BLTP1: variants seen among roughly 807,000 people sequenced by gnomAD.
BLTP1 encodes the protein bridge-like lipid transfer protein family member 1.
the BLTP1 span, chr4:122,200,292 A>G: frequency 2.0e-6 from 2 of 984,814 alleles, no homozygotes; most frequent in African/African-American, 3.5e-5. Flanking sequence ...GAAATGCCAA[A>G]CTGCGCAGGA....
At chr4:122,239,683 C>T in the BLTP1 span, 2 of 1,614,042 alleles carry the variant, frequency 1.2e-6, no homozygotes, top group Non-Finnish European at 1.7e-6. Context: ...GACAAGCAGC[C>T]TGTAACAGTT....
At chr4:122,259,950 A>T in the BLTP1 span, 1 of 881,244 alleles carries the variant, frequency 1.1e-6, no homozygotes, top group Admixed American at 6.2e-5. Context: ...GACAATATTA[A>T]ATAAAAATTT....
chr4:122,193,283 A>G, the BLTP1 span, among the ~76,000 whole-genome samples: 2 of 152,164 alleles, frequency 1.3e-5, no homozygotes, highest in African/African-American at 2.4e-5. Flanking sequence ...TATTCCTAGT[A>G]TATAGTATAT....
At chr4:122,341,456 A>G in the BLTP1 span, among the ~76,000 whole-genome samples, 4 of 152,150 alleles carry the variant, frequency 2.6e-5, no homozygotes, top group Non-Finnish European at 4.4e-5. Flanking sequence ...CTCTTTTGGA[A>G]TGTTAATCTT....
At chr4:122,243,305 G>A in the BLTP1 span, 1 of 653,324 alleles carries the variant, frequency 1.5e-6, no homozygotes, top group Non-Finnish European at 1.9e-6. Flanking sequence ...TAAGACTTCA[G>A]TATCATATTT....
the BLTP1 span, chr4:122,201,219 G>GAATC: frequency 1.1e-6 from 1 of 919,706 alleles, no homozygotes; most frequent in Non-Finnish European, 1.6e-6. Flanking sequence ...ATAGGGATAT[G>GAATC]ATATGATTCA....
At chr4:122,273,256 C>T in the BLTP1 span, 3 of 971,668 alleles carry the variant, frequency 3.1e-6, no homozygotes, top group Non-Finnish European at 3.7e-6. Flanking sequence ...GTTATATACC[C>T]TTCTTTACCT....
the BLTP1 span, among the ~76,000 whole-genome samples, chr4:122,327,111 G>GTTTTC: frequency 6.6e-6 from 1 of 151,286 alleles, no homozygotes; most frequent in Non-Finnish European, 1.5e-5. Context: ...GTTTTGTTTT[G>GTTTTC]TTTTGTTTTG....
At chr4:122,187,592 T>C in the BLTP1 span, 1 of 1,386,318 alleles carries the variant, frequency 7.2e-7, no homozygotes, top group South Asian at 1.4e-5. Flanking sequence ...GATTTTAATG[T>C]AAGAAAATTA....
At chr4:122,316,672 A>G in the BLTP1 span, 2 of 1,566,450 alleles carry the variant, frequency 1.3e-6, no homozygotes, top group Non-Finnish European at 1.7e-6. Context: ...ATTTTGTGAT[A>G]GTATAGATTT....
At chr4:122,204,599 T>G in the BLTP1 span, 1 of 983,796 alleles carries the variant, frequency 1.0e-6, no homozygotes, top group African/African-American at 1.7e-5. Flanking sequence ...AGATGGTTAG[T>G]TTTTCCTTAG....
the BLTP1 span, chr4:122,226,390 G>T: frequency 9.7e-7 from 1 of 1,029,760 alleles, no homozygotes; most frequent in Non-Finnish European, 1.2e-6. Flanking sequence ...ATTTCAGTTA[G>T]CTATATAAGA....
chr4:122,158,560 G>A, the BLTP1 span, among the ~76,000 whole-genome samples: 1 of 152,128 alleles, frequency 6.6e-6, no homozygotes, highest in African/African-American at 2.4e-5. Context: ...AAGGTCAGGA[G>A]ATTGAGACCA....
At chr4:122,167,533 T>C in the BLTP1 span, 103 of 287,628 alleles carry the variant, frequency 3.6e-4, 1 homozygote, top group Non-Finnish European at 4.8e-4. Flanking sequence ...CTCTGAAACC[T>C]TAATCTGGTT....
At chr4:122,165,753 A>G in the BLTP1 span, among the ~76,000 whole-genome samples, 1 of 132,904 alleles carries the variant, frequency 7.5e-6, no homozygotes, top group East Asian at 2.8e-4. Context: ...TGACTTTTTA[A>G]TGATTGCCAT....
the BLTP1 span, chr4:122,199,299 A>G: frequency 6.3e-7 from 1 of 1,590,710 alleles, no homozygotes; most frequent in Admixed American, 1.7e-5. Flanking sequence ...GTTCTAGTCC[A>G]AAGATGTTTC....
At chr4:122,158,748 G>C in the BLTP1 span, among the ~76,000 whole-genome samples, 1 of 152,080 alleles carries the variant, frequency 6.6e-6, no homozygotes, top group African/African-American at 2.4e-5. Flanking sequence ...TCCAGCCTGG[G>C]CAACACAGCG....
At chr4:122,286,839 T>G in the BLTP1 span, 1 of 1,432,728 alleles carries the variant, frequency 7.0e-7, no homozygotes, top group Non-Finnish European at 9.6e-7. Context: ...TCTTCAAGAT[T>G]TATATGTACC....
chr4:122,216,685 T>C, the BLTP1 span, among the ~76,000 whole-genome samples: 4 of 152,206 alleles, frequency 2.6e-5, no homozygotes, highest in Non-Finnish European at 5.9e-5. Flanking sequence ...ATGCATAGTT[T>C]GTGAAGATTT....
Sources: allele counts gnomAD v4.1 joint callset (sites outside exome capture counted in the v4.1 genomes callset), GRCh38; gene constraint gnomAD v4.1.1; transcripts MANE v1.5; gene names NCBI Gene and HGNC (gene_info 2026-07-23, HGNC 2026-07-21).